Variants in ANK2 observed in about 807,000 individuals in gnomAD.
ANK2 encodes the protein ankyrin 2, also known as ankyrin-2.
ANK2 carries 83 observed loss-of-function variants against 360.5 expected under a neutral mutation model. That is an observed-to-expected ratio of 0.23 (90% CI 0.19 to 0.28). ANK2 has a LOEUF of 0.28. Among genes scored for constraint, ANK2 ranks in the 10% least tolerant of loss-of-function variants. The pLI is 1.00. For synonymous variants in ANK2, 1,740 were observed against 1,759.5 expected (o/e 0.99, Z 0.28); for missense variants, 4,201 against 4,795.7 (o/e 0.88, Z 3.66).
chr4:112,975,594 G>C (rs1279462828), intron 2 of ANK2, among the ~76,000 whole-genome samples: 2 of 152,114 alleles, frequency 1.3e-5, no homozygotes, highest in African/African-American at 4.8e-5. Flanking sequence ...ATGTGACCTA[G>C]GAATTGAAAG....
intron 22 of ANK2, among the ~76,000 whole-genome samples, chr4:113,296,208 C>T (rs1162221072): frequency 6.6e-6 from 1 of 151,968 alleles, no homozygotes; most frequent in East Asian, 1.9e-4. Context: ...ACCTAATTTT[C>T]AACAAAAAGA....
At chr4:112,996,937 C>T (rs1461487156) in intron 2 of ANK2, among the ~76,000 whole-genome samples, 14 of 152,096 alleles carry the variant, frequency 9.2e-5, no homozygotes, top group Non-Finnish European at 1.2e-4. Context: ...CCATCCTTCT[C>T]CCTATGTCCA....
rs534468333 is a variant in ANK2, at chr4:112,898,345, C to G, written c.-39-6110C>G. On this transcript the variant is annotated intron_variant, in intron 1 of 30. Transcript: ENST00000503271. ...CTTATTAGTCTCCTCTTGGCTGTAACAGCTTCATGGGCTTTCTTTGTTTTT... is the reference window on the plus strand; with the variant it reads ...CTTATTAGTCTCCTCTTGGCTGTAAGAGCTTCATGGGCTTTCTTTGTTTTT... 7.2e-5 allele frequency among the ~76,000 whole-genome samples: 11 copies of G among 152,282 alleles called. No individual in the cohort carries two copies. In the South Asian group the frequency reaches 2.3e-3, roughly 32 times the overall value.
chr4:113,262,862 C>A (rs1655209742), intron 13 of ANK2, among the ~76,000 whole-genome samples: 1 of 151,752 alleles, frequency 6.6e-6, no homozygotes, highest in African/African-American at 2.4e-5. Context: ...TGGGACCAAT[C>A]CCTCACCAAT....
chr4:112,905,757 G>C (rs1580902413), intron 2 of ANK2, among the ~76,000 whole-genome samples: 1 of 152,222 alleles, frequency 6.6e-6, no homozygotes, highest in East Asian at 1.9e-4. Flanking sequence ...CACCTTCCGG[G>C]CTCAAGTGAT....
At chr4:113,082,633 A>G (rs77990782) in intron 1 of ANK2, among the ~76,000 whole-genome samples, 164 of 152,340 alleles carry the variant, frequency 1.1e-3, no homozygotes, top group African/African-American at 3.7e-3. Flanking sequence ...TGCAAAACCA[A>G]TTCAGCTTCA....
At chr4:113,251,475 CTTT>C (rs1167630240) in intron 10 of ANK2, among the ~76,000 whole-genome samples, 54 of 88,102 alleles carry the variant, frequency 6.1e-4, no homozygotes, top group African/African-American at 2.2e-3. Flanking sequence ...AATACAAAAT[CTTT>C]TTTTTTTTTT....
At chr4:112,997,117 T>A (rs1479428399) in intron 2 of ANK2, among the ~76,000 whole-genome samples, 1 of 152,158 alleles carries the variant, frequency 6.6e-6, no homozygotes, top group Non-Finnish European at 1.5e-5. Flanking sequence ...TGTCACTCTA[T>A]TTTTTAAATT....
At chr4:113,380,656 CG>C (rs1447464221) in intron 45 of ANK2, among the ~76,000 whole-genome samples, 1 of 152,158 alleles carries the variant, frequency 6.6e-6, no homozygotes, top group Non-Finnish European at 1.5e-5. Context: ...AACGAGACTC[CG>C]TCTCAAGAAA....
rs2096655901 is a variant in ANK2 at position 113,369,561 on chromosome 4, T to C, written c.11366T>C (p.Ile3789Thr). Reference sequence around the variant, plus strand: ...ACATCAGAGACTCAGAAGGCTATGATAGTACCCAGCTCTCCCAGCAAGACA... The same window carrying C: ...ACATCAGAGACTCAGAAGGCTATGACAGTACCCAGCTCTCCCAGCAAGACA... ...TETSETQKAM[I>T]VPSSPSKTPE... Residue 3789 changes from isoleucine to threonine, a missense_variant, in exon 43 of 46, where the codon ATA becomes ACA. Physicochemically the swap from Ile to Thr is moderately conservative, Grantham distance 89. Around this residue, in one of 4 missense-constraint regions of ANK2, gnomAD observed 2,642 missense variants for 2,714.5 expected, o/e 0.97. Transcript: ENST00000357077. 8 of 1,614,104 alleles carry C rather than the reference T, an allele frequency of 5.0e-6. No individual in the cohort carries two copies. Among genetic ancestry groups the C allele is most frequent in the Non-Finnish European group, 6.8e-6 (8 of 1,180,018 alleles).
Position 113,286,851 on chromosome 4 carries a change from T to C in ANK2, c.2080-754T>C, listed in dbSNP as rs1426690575. Among the ~76,000 whole-genome samples, 4 of 152,298 alleles carry C rather than the reference T, an allele frequency of 2.6e-5. No homozygotes were observed. The East Asian group carries it at 7.7e-4, about 29-fold the overall frequency. Reference sequence around the variant, plus strand: ...TAGAATATGAACACTTCATGACATATGAAACATACTCAAGAAAACACCCGT... The same window carrying C: ...TAGAATATGAACACTTCATGACATACGAAACATACTCAAGAAAACACCCGT... On this transcript the variant is annotated intron_variant, in intron 18 of 45. Transcript: ENST00000357077.
intron 41 of ANK2, among the ~76,000 whole-genome samples, chr4:113,367,118 G>A (rs1346946564): frequency 6.6e-6 from 1 of 152,084 alleles, no homozygotes; most frequent in African/African-American, 2.4e-5. Flanking sequence ...CACTTGAAAC[G>A]GTGCCTAACA....
intron 2 of ANK2, among the ~76,000 whole-genome samples, chr4:112,950,440 C>A (rs933039759): frequency 6.6e-6 from 1 of 151,198 alleles, no homozygotes; most frequent in Non-Finnish European, 1.5e-5. Flanking sequence ...GTCAGGAGAT[C>A]GAGACCATCC....
the ANK2 span, chr4:112,797,202 T>G: frequency 3.8e-5 from 6 of 158,860 alleles, no homozygotes; most frequent in Non-Finnish European, 8.5e-5. Context: ...AAATCATCTT[T>G]GACTGCACTC....
At chr4:113,113,715 T>G (rs2094507662) in intron 1 of ANK2, among the ~76,000 whole-genome samples, 1 of 152,174 alleles carries the variant, frequency 6.6e-6, no homozygotes, top group South Asian at 2.1e-4. Context: ...GGTGCATGCA[T>G]CATTTCAATG....
At chr4:113,162,692 T>A (rs552907153) in intron 1 of ANK2, among the ~76,000 whole-genome samples, 1 of 151,788 alleles carries the variant, frequency 6.6e-6, no homozygotes, top group Non-Finnish European at 1.5e-5. Flanking sequence ...CTGGGTCTAC[T>A]TTTCCCACTT....
At chr4:112,745,591 T>C in the ANK2 span, among the ~76,000 whole-genome samples, 1 of 142,978 alleles carries the variant, frequency 7.0e-6, no homozygotes, top group East Asian at 2.2e-4. Flanking sequence ...TGGAGTGCAA[T>C]GGCACGACCT....
At chr4:112,907,780 A>C (rs967362513) in intron 2 of ANK2, among the ~76,000 whole-genome samples, 5 of 152,238 alleles carry the variant, frequency 3.3e-5, no homozygotes, top group African/African-American at 9.6e-5. Flanking sequence ...AAGGAAGCTC[A>C]GCAAAAATCA....
intron 2 of ANK2, among the ~76,000 whole-genome samples, chr4:112,957,638 G>A (rs559490961): frequency 6.8e-6 from 1 of 147,992 alleles, no homozygotes; most frequent in Admixed American, 6.7e-5. Context: ...CTGGCCGGGC[G>A]GGGGGCTGAC....
Sources: allele counts gnomAD v4.1 joint callset (sites outside exome capture counted in the v4.1 genomes callset), GRCh38; gene constraint gnomAD v4.1.1; regional missense constraint gnomAD v4.1.1; transcripts MANE v1.5; gene names NCBI Gene and HGNC (gene_info 2026-07-23, HGNC 2026-07-21).